The following ZFP92 variants were observed in gnomAD, a reference collection of about 807,000 sequenced individuals.
ZFP92 encodes the protein zinc finger protein 92 homolog.
In ZFP92, 2 loss-of-function variants were observed where a neutral mutation model predicts 7.6. The observed-to-expected ratio is 0.26, with a 90% CI of 0.11 to 0.83. The LOEUF (loss-of-function observed/expected upper bound fraction) is 0.83. ZFP92 is among the 40% of genes least tolerant of loss of function. ZFP92 has a pLI of 0.65. For synonymous variants in ZFP92, 226 were observed against 183.6 expected, an observed-to-expected ratio of 1.23 and a Z score of -1.87; for missense variants, 324 against 408.3, an observed-to-expected ratio of 0.79 and a Z score of 1.78.
chrX:153,419,295 G>C (rs2088979126), intron 4 of ZFP92, among the ~76,000 whole-genome samples: 2 of 112,583 alleles, frequency 1.8e-5, no homozygotes, highest in African/African-American at 3.2e-5. Context: ...GGAGGAGCTG[G>C]GGCAGCTTGG....
chrX:153,418,010 G>T (rs1206428838), intron 2 of ZFP92, among the ~76,000 whole-genome samples: 1 of 112,249 alleles, frequency 8.9e-6, no homozygotes, highest in Non-Finnish European at 1.9e-5. Context: ...AGGGGCTTCA[G>T]TGGAGCGGGG....
chrX:153,412,864 C>T (rs782432294), intron 2 of ZFP92, among the ~76,000 whole-genome samples: 29 of 112,224 alleles, frequency 2.6e-4, no homozygotes, highest in Non-Finnish European at 5.1e-4. Flanking sequence ...GATCCCTCAG[C>T]GAGCAGCCTG....
chrX:153,411,801 G>A (rs1333377096), intron 1 of ZFP92, among the ~76,000 whole-genome samples, 98 bp downstream of exon 1: 2 of 112,446 alleles, frequency 1.8e-5, no homozygotes, highest in Non-Finnish European at 3.8e-5. Context: ...GAGCTGCGGC[G>A]GCGGCGACAA....
In ZFP92 at chrX:153,424,342, A is replaced by G. The variant is rs1556976025; in HGVS notation, c.*2714A>G. 1 of 112,393 alleles carries G rather than the reference A, an allele frequency of 8.9e-6. No individual in the cohort carries two copies. Among genetic ancestry groups the G allele is most frequent in the African/African-American group, 3.2e-5 (1 of 30,942 alleles). 9.3% of individuals were successfully genotyped at this position (112,393 alleles called of 1,213,427 possible). On this transcript the variant is annotated 3_prime_UTR_variant, in exon 6 of 6. Transcript: ENST00000338647. ...TTTAGCTCCCCATAATGACATTCTC[A>G]CTGCAAGGTGGTCATTGCTATCATT...
chrX:153,418,560 C>T (rs2088973881), intron 3 of ZFP92, 113 bp from the exon 4 acceptor site: 1 of 1,055,936 alleles, frequency 9.5e-7, no homozygotes, highest in Non-Finnish European at 1.3e-6. Context: ...CGAGTCTTTC[C>T]ACCTGCTGAG....
At position 153,420,272 on chromosome X, in the gene ZFP92, G is replaced by A; in HGVS notation, c.205G>A (p.Gly69Arg). 1.7e-6 allele frequency: 2 copies of A among 1,168,014 alleles called. No individual in the cohort carries two copies. Among genetic ancestry groups the A allele is most frequent in the Non-Finnish European group, 2.3e-6 (2 of 873,003 alleles). The change falls in exon 5 of 6, where the codon GGG becomes AGG. Residue 69 changes from glycine to arginine, a missense_variant. By Grantham distance (125) the Gly-to-Arg change is moderately radical (BLOSUM62 -2). Transcript: ENST00000338647. ...TCACCTGATCTCCCAATTGGAACGA[G>A]GGGAAGGACCCTGGGTAGCAGACAT... ...KPHLISQLERGEGPWVADIPR... is the reference protein window; with the variant it reads ...KPHLISQLERREGPWVADIPR...
At chrX:153,414,387 G>T (rs1330417621) in intron 2 of ZFP92, among the ~76,000 whole-genome samples, 1 of 111,556 alleles carries the variant, frequency 9.0e-6, no homozygotes, top group African/African-American at 3.3e-5. Flanking sequence ...TAGCTTTGTC[G>T]CCCAGGCTGG....
chrX:153,420,379 T>C (rs782105758), intron 5 of ZFP92, 47 bp downstream of exon 5: 35 of 1,060,113 alleles, frequency 3.3e-5, no homozygotes, highest in Non-Finnish European at 4.2e-5. Flanking sequence ...TAAAAAGAAA[T>C]AGCAGTGGCA....
chrX:153,414,468 C>T (rs1177100682), intron 2 of ZFP92, among the ~76,000 whole-genome samples: 1 of 111,375 alleles, frequency 9.0e-6, no homozygotes, highest in Non-Finnish European at 1.9e-5. Flanking sequence ...CCACCTCAGC[C>T]TCCCAAGTAT....
At chrX:153,420,155 G>T in intron 4 of ZFP92, 73 bp from the exon 5 acceptor site, 2 of 776,665 alleles carry the variant, frequency 2.6e-6, no homozygotes, top group Non-Finnish European at 3.7e-6. Flanking sequence ...AAGATATTGA[G>T]AATTGCCTGA....
At chrX:153,419,798 A>T (rs2088983256) in intron 4 of ZFP92, among the ~76,000 whole-genome samples, 1 of 112,436 alleles carries the variant, frequency 8.9e-6, no homozygotes, top group African/African-American at 3.2e-5. Context: ...CTGGGGTTCC[A>T]GGGAGGGGTC....
chrX:153,418,156 G>A (rs377655537), intron 2 of ZFP92, among the ~76,000 whole-genome samples, 149 bp from the exon 3 acceptor site: 15 of 112,205 alleles, frequency 1.3e-4, no homozygotes, highest in African/African-American at 4.9e-4. Flanking sequence ...ATGGTGAGGG[G>A]CCCTTGGTGA....
intron 2 of ZFP92, 79 bp from the exon 3 acceptor site, chrX:153,418,226 G>C: frequency 9.3e-7 from 1 of 1,075,063 alleles, no homozygotes. Context: ...GAAAAACTAA[G>C]CAGGGTCTTC....
At chrX:153,418,243 G>T (rs1257177774) in intron 2 of ZFP92, 62 bp from the exon 3 acceptor site, 77 of 1,126,973 alleles carry the variant, frequency 6.8e-5, no homozygotes, top group Non-Finnish European at 8.8e-5. Flanking sequence ...CTTCAAGCAG[G>T]TCGCAGATTG....
intron 4 of ZFP92, among the ~76,000 whole-genome samples, chrX:153,419,658 T>C (rs868954636): frequency 1.8e-5 from 2 of 112,407 alleles, no homozygotes; most frequent in African/African-American, 6.5e-5. Flanking sequence ...CCAGAGGGTC[T>C]TCAACATTGC....
At position 153,418,622 on chromosome X, in the gene ZFP92, G is replaced by A. The variant is rs2088974366; in HGVS notation, c.34-51G>A. The A allele has an allele frequency of 3.5e-6, 4 of 1,152,928 alleles. No individual in the cohort carries two copies. In the African/African-American group the frequency reaches 5.5e-5, roughly 16 times the overall value. ...CATTTTGTTTCTGTCAGCTCCTCCA[G>A]GGGCCCAGGGGGTTGAATTCCCCTG... is the stretch of plus-strand genomic sequence containing the variant. On this transcript the variant is annotated intron_variant, in intron 3 of 5. Transcript: ENST00000338647.
intron 2 of ZFP92, among the ~76,000 whole-genome samples, chrX:153,416,884 C>T (rs1002310811): frequency 3.0e-4 from 34 of 111,558 alleles, no homozygotes; most frequent in Admixed American, 2.2e-3. Flanking sequence ...TGGTGGCGCA[C>T]GGCATGTGCA....
Position 153,422,525 on chromosome X carries a change from C to A in ZFP92, c.*897C>A, listed in dbSNP as rs1196408934. The stretch of plus-strand genomic sequence containing the variant: ...ACTGCCTTCTGCTCCCCAGACCCCA[C>A]CAGCAAAGGCCACCCTGGCCTCTCT... On this transcript the variant is annotated 3_prime_UTR_variant, in exon 6 of 6. Coordinates refer to ENST00000338647, the MANE Select transcript of ZFP92 (RefSeq NM_001136273.2). 9.1e-6 allele frequency: 1 copy of A among 109,924 alleles called. No homozygotes were observed. The highest frequency in any genetic ancestry group is 1.9e-5 in the Non-Finnish European group (1 of 52,566). 9.1% of individuals were successfully genotyped at this position (109,924 alleles called of 1,213,427 possible). A position where few individuals can be genotyped will look rare whatever the true frequency, so the allele number is the denominator to read the frequency against.
rs1188207140 is a variant in ZFP92, at chrX:153,418,641, T to C, written c.34-32T>C. ...CCTCCAGGGGCCCAGGGGGTTGAAT[T>C]CCCCTGTGGCCACAAGAATGCCTTA... On this transcript the variant is annotated intron_variant, in intron 3 of 5. Transcript: ENST00000338647. The C allele has an allele frequency of 1.2e-5, 14 of 1,162,201 alleles. No individual in the cohort carries two copies. The Admixed American group carries it at 3.7e-4, about 31-fold the overall frequency.
Sources: allele counts gnomAD v4.1 joint callset (sites outside exome capture counted in the v4.1 genomes callset), GRCh38; gene constraint gnomAD v4.1.1; transcripts MANE v1.5; gene names NCBI Gene and HGNC (gene_info 2026-07-23, HGNC 2026-07-21).